Variants in TCAIM observed in about 807,000 individuals in gnomAD.
TCAIM encodes T cell activation inhibitor, mitochondrial, also known as T-cell activation inhibitor, mitochondrial.
In TCAIM, 36 loss-of-function variants were observed where a neutral mutation model predicts 58.6. The observed-to-expected ratio is 0.61, with a 90% CI of 0.47 to 0.81. The LOEUF is 0.81. Among genes scored for constraint, TCAIM ranks in the 30% least tolerant of loss-of-function variants. TCAIM has a pLI of 0.00. For missense variants in TCAIM, 466 were observed against 579.6 expected (o/e 0.80, Z 2.01); for synonymous variants, 172 against 193.6 (o/e 0.89, Z 0.93).
intron 5 of TCAIM, chr3:44,391,084 A>G (rs1191493504): frequency 1.3e-5 from 2 of 152,260 alleles, no homozygotes; most frequent in African/African-American, 4.8e-5. Context: ...TCATGATTAT[A>G]GCACCAAGTG....
rs145916969 is a variant in TCAIM, at chr3:44,349,013, AG to A, written c.-44-5725del. Among the ~76,000 whole-genome samples, 1,062 of 152,234 alleles carry A rather than the reference AG, an allele frequency of 7.0e-3. 31 individuals are homozygous for A. The highest frequency in any genetic ancestry group is 0.061 in the Admixed American group (934 of 15,284). ...ACCAGGGGTGAGGAGGGGAGGTGAT[AG>A]AAGAATTATAGGGTTGGGGAGCGGA... On this transcript the variant is annotated intron_variant, in intron 1 of 10. Coordinates refer to ENST00000342649, the MANE Select transcript of TCAIM (RefSeq NM_173826.4).
At chr3:44,407,365 A>G in intron 10 of TCAIM, 77 bp from the exon 11 acceptor site, 1 of 1,188,552 alleles carries the variant, frequency 8.4e-7, no homozygotes, top group Non-Finnish European at 1.2e-6. Context: ...GTAAGAATAT[A>G]TTTACATTGT....
intron 5 of TCAIM, among the ~76,000 whole-genome samples, chr3:44,373,160 T>G (rs556903669): frequency 6.6e-6 from 1 of 152,190 alleles, no homozygotes; most frequent in African/African-American, 2.4e-5. Flanking sequence ...CAGGGTCTTG[T>G]TTGGTTGCCT....
At chr3:44,389,134 A>G (rs1457840260) in intron 5 of TCAIM, among the ~76,000 whole-genome samples, 1 of 152,196 alleles carries the variant, frequency 6.6e-6, no homozygotes, top group Non-Finnish European at 1.5e-5. Flanking sequence ...TGCTAATAAT[A>G]CAAAAATTAG....
In TCAIM at chr3:44,400,349, C is replaced by T. The variant is rs1559584609; in HGVS notation, c.886-6C>T. The stretch of plus-strand genomic sequence containing the variant: ...AATTATTTCTTTCCCTTTGTTAACA[C>T]TGTAGCTTTTTGAAAGATTGCCAAG... On this transcript the variant is annotated splice_polypyrimidine_tract_variant and splice_region_variant and intron_variant, in intron 8 of 10. Transcript: ENST00000342649. 6.2e-7 allele frequency: 1 copy of T among 1,608,196 alleles called. No homozygotes were observed.
At chr3:44,358,352 G>A (rs191844614) in intron 3 of TCAIM, 202 of 733,376 alleles carry the variant, frequency 2.8e-4, no homozygotes, top group Non-Finnish European at 3.4e-4. Context: ...TATGGTAGAT[G>A]TAGTTAAGAC....
At chr3:44,400,756 G>A in intron 9 of TCAIM, 169 bp downstream of exon 9, 1 of 633,152 alleles carries the variant, frequency 1.6e-6, no homozygotes, top group Non-Finnish European at 2.7e-6. Flanking sequence ...AAGCCAGCAT[G>A]GGAGGATTGA....
upstream of TCAIM, chr3:44,338,730 G>C (rs554375930): frequency 6.6e-6 from 1 of 152,342 alleles, no homozygotes; most frequent in East Asian, 1.9e-4. Flanking sequence ...GCGCATGCGC[G>C]TCCGAACAGC....
At chr3:44,358,470 A>G (rs1701240621) in intron 3 of TCAIM, 3 of 547,654 alleles carry the variant, frequency 5.5e-6, no homozygotes, top group South Asian at 5.2e-5. Flanking sequence ...GGAAAAAAAT[A>G]CATCTGTACT....
chr3:44,400,889 G>A, intron 9 of TCAIM: 1 of 486,720 alleles, frequency 2.1e-6, no homozygotes. Flanking sequence ...CATTTGTGGT[G>A]TATACACTGT....
At chr3:44,400,205 A>G (rs1266430717) in intron 8 of TCAIM, 150 bp from the exon 9 acceptor site, 17 of 619,130 alleles carry the variant, frequency 2.7e-5, no homozygotes, top group Admixed American at 6.8e-5. Context: ...CCAGCATTAC[A>G]TTAAGTTTTT....
At chr3:44,356,737 G>A (rs577415485) in intron 2 of TCAIM, among the ~76,000 whole-genome samples, 19 of 151,342 alleles carry the variant, frequency 1.3e-4, no homozygotes, top group South Asian at 6.3e-4. Context: ...AGGCTGAGGC[G>A]GGTGGATTAC....
chr3:44,347,952 C>T (rs1294344942), intron 1 of TCAIM, among the ~76,000 whole-genome samples: 1 of 151,900 alleles, frequency 6.6e-6, no homozygotes, highest in Non-Finnish European at 1.5e-5. Flanking sequence ...TGGCTGTAGC[C>T]TAGGAATAGT....
chr3:44,382,886 A>G (rs1701675947), intron 5 of TCAIM, among the ~76,000 whole-genome samples: 1 of 152,176 alleles, frequency 6.6e-6, no homozygotes, highest in South Asian at 2.1e-4. Flanking sequence ...AACTCCTAAA[A>G]CTCAACCAGC....
At chr3:44,344,788 T>C (rs1051287112) in intron 1 of TCAIM, among the ~76,000 whole-genome samples, 14 of 151,932 alleles carry the variant, frequency 9.2e-5, no homozygotes, top group Non-Finnish European at 1.5e-4. Context: ...GGTAGTTTTA[T>C]AGGATTTGGG....
chr3:44,392,334 T>C (rs1194824418), intron 5 of TCAIM, among the ~76,000 whole-genome samples: 1 of 152,188 alleles, frequency 6.6e-6, no homozygotes, highest in African/African-American at 2.4e-5. Flanking sequence ...GTACAATTTT[T>C]TTTTAACTTT....
Position 44,396,806 on chromosome 3 carries a change from C to T in TCAIM, c.857C>T (p.Thr286Ile), listed in dbSNP as rs772551223. 5.0e-6 allele frequency: 8 copies of T among 1,613,968 alleles called. No individual in the cohort carries two copies. Among genetic ancestry groups the T allele is most frequent in the Non-Finnish European group, 6.8e-6 (8 of 1,179,990 alleles). Residue 286 changes from threonine (T) to isoleucine (I), a missense_variant, in exon 8 of 11, where the codon ACA becomes ATA. Physicochemically the swap from Thr to Ile is moderately conservative, Grantham distance 89. Transcript: ENST00000342649. ...MSAVGHVMLGTMDVHHHWTKL... is the reference protein window; with the variant it reads ...MSAVGHVMLGIMDVHHHWTKL... ...GCAGTGGGCCATGTGATGCTAGGAA[C>T]AATGGATGTCCATCACCACTGGACA...
chr3:44,340,753 A>G (rs527501498), intron 1 of TCAIM: 1 of 152,172 alleles, frequency 6.6e-6, no homozygotes, highest in Non-Finnish European at 1.5e-5. Context: ...CATCCCACCC[A>G]GATTCTGATT....
chr3:44,377,222 G>T (rs375069477), intron 5 of TCAIM, among the ~76,000 whole-genome samples: 1 of 152,074 alleles, frequency 6.6e-6, no homozygotes, highest in South Asian at 2.1e-4. Context: ...CCAAAAGAGA[G>T]TTATACTAAT....
Sources: gnomAD v4.1 joint callset for allele counts (sites outside exome capture counted in the v4.1 genomes callset) on GRCh38, gnomAD v4.1.1 for gene constraint, MANE v1.5 for transcripts, NCBI Gene and HGNC (gene_info 2026-07-23, HGNC 2026-07-21) for gene names.